Variants in TSPAN12 observed in about 807,000 individuals in gnomAD.
The protein encoded by TSPAN12 is tetraspanin-12.
Under a neutral mutation model 39.2 loss-of-function variants are expected in TSPAN12, and 19 were observed. That is an observed-to-expected ratio of 0.49 (90% CI 0.34 to 0.71). TSPAN12 has a LOEUF of 0.71. TSPAN12 is among the 30% of genes least tolerant of loss of function. The probability of loss-of-function intolerance (pLI) is 0.01; values close to 1 mark genes in which losing one functional copy is unlikely to be tolerated. For missense variants in TSPAN12, 314 were observed against 359.9 expected (o/e 0.87, Z 1.03); for synonymous variants, 119 against 124.8 (o/e 0.95, Z 0.31).
At chr7:120,812,635 C>T (rs1046712916) in intron 5 of TSPAN12, among the ~76,000 whole-genome samples, 30 of 151,980 alleles carry the variant, frequency 2.0e-4, no homozygotes, top group Admixed American at 3.9e-4. Flanking sequence ...AACATCCAAA[C>T]ACTTGGGCAC....
At chr7:120,805,637 A>G (rs1793858249) in intron 7 of TSPAN12, among the ~76,000 whole-genome samples, 1 of 152,044 alleles carries the variant, frequency 6.6e-6, no homozygotes, top group South Asian at 2.1e-4. Context: ...TTCACATTTT[A>G]CATTTCCATT....
chr7:120,823,707 C>A (rs1003016318), intron 4 of TSPAN12, among the ~76,000 whole-genome samples: 2 of 152,096 alleles, frequency 1.3e-5, no homozygotes, highest in Non-Finnish European at 2.9e-5. Context: ...TTTAGAGATA[C>A]GGAAGTAAAT....
At chr7:120,826,925 G>A (rs376957227) in intron 4 of TSPAN12, among the ~76,000 whole-genome samples, 34 of 152,066 alleles carry the variant, frequency 2.2e-4, no homozygotes, top group Non-Finnish European at 4.1e-4. Flanking sequence ...GTTTTACCAC[G>A]TTGGCCAGGC....
At chr7:120,800,917 G>A (rs1793757317) in intron 7 of TSPAN12, among the ~76,000 whole-genome samples, 1 of 151,676 alleles carries the variant, frequency 6.6e-6, no homozygotes, top group Non-Finnish European at 1.5e-5. Context: ...AGCCTCCCAA[G>A]TAGCTGGGAC....
intron 4 of TSPAN12, among the ~76,000 whole-genome samples, chr7:120,823,918 G>A (rs1462369537): frequency 2.6e-5 from 4 of 152,140 alleles, no homozygotes; most frequent in African/African-American, 7.2e-5. Flanking sequence ...ACACCAAAGA[G>A]AAAAGTCTTG....
chr7:120,841,844 T>A (rs1470395838), intron 2 of TSPAN12, among the ~76,000 whole-genome samples: 1 of 152,148 alleles, frequency 6.6e-6, no homozygotes, highest in Admixed American at 6.5e-5. Context: ...TAATTGGGGA[T>A]TAATTACACT....
chr7:120,798,551 T>C (rs1291811593), intron 7 of TSPAN12, among the ~76,000 whole-genome samples: 1 of 152,202 alleles, frequency 6.6e-6, no homozygotes, highest in Non-Finnish European at 1.5e-5. Flanking sequence ...TATTAAAAAA[T>C]CAGAATCCTA....
chr7:120,827,479 C>T (rs942085385), intron 4 of TSPAN12, among the ~76,000 whole-genome samples: 3 of 152,052 alleles, frequency 2.0e-5, no homozygotes, highest in Non-Finnish European at 4.4e-5. Context: ...CACAGTCATG[C>T]TCAATGTTCA....
At chr7:120,809,923 T>A (rs368714840) in intron 6 of TSPAN12, among the ~76,000 whole-genome samples, 1 of 152,190 alleles carries the variant, frequency 6.6e-6, no homozygotes, top group Non-Finnish European at 1.5e-5. Flanking sequence ...TTATTATCAC[T>A]ATTTTAAAGG....
intron 2 of TSPAN12, among the ~76,000 whole-genome samples, chr7:120,844,517 C>T (rs1446490545): frequency 6.6e-6 from 1 of 152,188 alleles, no homozygotes; most frequent in African/African-American, 2.4e-5. Context: ...TAAACAGTAC[C>T]ATTCCAAAAG....
intron 4 of TSPAN12, among the ~76,000 whole-genome samples, chr7:120,835,537 G>GTAAACAC (rs1794460728): frequency 6.6e-6 from 1 of 152,130 alleles, no homozygotes; most frequent in Non-Finnish European, 1.5e-5. Flanking sequence ...TAGCTGTGTA[G>GTAAACAC]ACTTAGGCAA....
intron 7 of TSPAN12, among the ~76,000 whole-genome samples, chr7:120,789,551 A>G (rs1429837063): frequency 6.6e-6 from 1 of 152,240 alleles, no homozygotes; most frequent in African/African-American, 2.4e-5. Context: ...CCAAAATTTA[A>G]GTATTTTACA....
intron 7 of TSPAN12, among the ~76,000 whole-genome samples, chr7:120,794,073 G>C (rs1392083418): frequency 1.3e-5 from 2 of 152,064 alleles, no homozygotes; most frequent in African/African-American, 4.8e-5. Context: ...AAGCACCTCT[G>C]CTTACTCTTT....
intron 2 of TSPAN12, among the ~76,000 whole-genome samples, chr7:120,843,621 T>C (rs571665788): frequency 6.6e-6 from 1 of 152,326 alleles, no homozygotes; most frequent in East Asian, 1.9e-4. Context: ...TCTTTGTGCC[T>C]TGTGACTGAC....
chr7:120,802,482 C>T (rs555429991), intron 7 of TSPAN12, among the ~76,000 whole-genome samples: 3 of 152,260 alleles, frequency 2.0e-5, no homozygotes, highest in African/African-American at 7.2e-5. Context: ...AAGTGCTTAC[C>T]ACCACCTGAA....
Position 120,856,788 on chromosome 7 carries a change from C to G in TSPAN12, c.-25G>C. ...TTGTGAGCCCCGTAAGGGAGAAGCC[C>G]CATCCTTTCACCACATCCTACTCCC... On this transcript the variant is annotated 5_prime_UTR_variant, in exon 2 of 8. Coordinates refer to ENST00000222747, the MANE Select transcript of TSPAN12 (RefSeq NM_012338.4). 1 of 1,613,880 alleles carries G rather than the reference C, an allele frequency of 6.2e-7. No homozygotes were observed. Among genetic ancestry groups the G allele is most frequent in the East Asian group, 2.2e-5 (1 of 44,850 alleles).
chr7:120,790,467 T>C (rs746186115), intron 7 of TSPAN12, among the ~76,000 whole-genome samples: 55 of 152,228 alleles, frequency 3.6e-4, no homozygotes, highest in African/African-American at 1.0e-3. Context: ...CAATCTCTTG[T>C]CTGATGTGTC....
chr7:120,797,383 C>T (rs1793653798), intron 7 of TSPAN12, among the ~76,000 whole-genome samples: 1 of 152,254 alleles, frequency 6.6e-6, no homozygotes, highest in East Asian at 1.9e-4. Flanking sequence ...GTTGTCTCAT[C>T]ATTCTGGCCC....
rs2116348290 is a variant in TSPAN12 at position 120,806,618 on chromosome 7, G to T, written c.543C>A (p.Cys181Ter). Residue 181 changes from cysteine (C) to a stop codon, truncating the protein, a stop_gained, in exon 7 of 8, where the codon TGC becomes TGA. Transcript: ENST00000222747. LOFTEE classifies it high-confidence loss of function. ...MTEMDWPPDS[C>*]CVREFPGCSK... ...AACATCCTGGGAATTCTCTAACACA[G>T]CAGGAATCTGGGGGCCAGTCCATCT... The T allele has an allele frequency of 6.2e-6, 10 of 1,613,534 alleles. No homozygotes were observed. The highest frequency in any genetic ancestry group is 8.5e-6 in the Non-Finnish European group (10 of 1,179,644).
Sources: allele counts gnomAD v4.1 joint callset (sites outside exome capture counted in the v4.1 genomes callset), GRCh38; gene constraint gnomAD v4.1.1; transcripts MANE v1.5; gene names NCBI Gene and HGNC (gene_info 2026-07-23, HGNC 2026-07-21).